Variants in ENTREP2 observed in about 807,000 individuals in gnomAD.
ENTREP2 encodes the protein protein ENTREP2.
At chr15:29,547,632 C>T in the ENTREP2 span, among the ~76,000 whole-genome samples, 1 of 152,150 alleles carries the variant, frequency 6.6e-6, no homozygotes, top group African/African-American at 2.4e-5. Context: ...CCCTTATAGA[C>T]TCCTGGTAGG....
chr15:29,360,207 C>T, the ENTREP2 span, among the ~76,000 whole-genome samples: 43,348 of 152,086 alleles, frequency 0.29, 7,666 homozygotes, highest in African/African-American at 0.48. Flanking sequence ...TTTTTTCTAA[C>T]GCTATATCTT....
chr15:29,518,781 AG>A, the ENTREP2 span, among the ~76,000 whole-genome samples: 1 of 152,226 alleles, frequency 6.6e-6, no homozygotes, highest in African/African-American at 2.4e-5. Context: ...CACAGGGGAA[AG>A]CTTCAGAAAT....
the ENTREP2 span, among the ~76,000 whole-genome samples, chr15:29,493,207 C>T: frequency 2.5e-5 from 3 of 118,716 alleles, no homozygotes; most frequent in Non-Finnish European, 5.0e-5. Flanking sequence ...GATCTCGGCT[C>T]ACTGCAAGCT....
chr15:29,158,403 GC>G, the ENTREP2 span, among the ~76,000 whole-genome samples: 1 of 76,772 alleles, frequency 1.3e-5, no homozygotes, highest in African/African-American at 4.8e-5. Context: ...CATTATCTCT[GC>G]CTTTTTTTTT....
chr15:29,230,798 A>G, the ENTREP2 span, among the ~76,000 whole-genome samples: 1 of 152,198 alleles, frequency 6.6e-6, no homozygotes, highest in Non-Finnish European at 1.5e-5. Flanking sequence ...GATTATTGAC[A>G]TAGAAACCAA....
the ENTREP2 span, among the ~76,000 whole-genome samples, chr15:29,621,645 C>T: frequency 7.3e-6 from 1 of 136,492 alleles, no homozygotes; most frequent in Non-Finnish European, 1.5e-5. Flanking sequence ...GTGGAAAAAT[C>T]GGAACCCTTG....
At chr15:29,397,340 G>A in the ENTREP2 span, among the ~76,000 whole-genome samples, 2 of 152,066 alleles carry the variant, frequency 1.3e-5, no homozygotes, top group Non-Finnish European at 2.9e-5. Flanking sequence ...GCCGTGAGCC[G>A]AGATTGTGCC....
At chr15:29,486,177 G>GAC in the ENTREP2 span, among the ~76,000 whole-genome samples, 143,958 of 150,426 alleles carry the variant, frequency 0.96, 68,797 homozygotes, top group East Asian at 1. Flanking sequence ...GAAAATGGGA[G>GAC]ACACACACAC....
the ENTREP2 span, among the ~76,000 whole-genome samples, chr15:29,606,996 G>C: frequency 6.6e-6 from 1 of 152,002 alleles, no homozygotes; most frequent in East Asian, 1.9e-4. Context: ...ACCACACCCA[G>C]CTAATTTTTG....
At chr15:29,664,063 C>G in the ENTREP2 span, among the ~76,000 whole-genome samples, 2 of 151,936 alleles carry the variant, frequency 1.3e-5, no homozygotes, top group African/African-American at 4.8e-5. Context: ...GGGTATGAAG[C>G]CTCATATTTT....
At chr15:29,409,242 C>T in the ENTREP2 span, among the ~76,000 whole-genome samples, 1 of 152,228 alleles carries the variant, frequency 6.6e-6, no homozygotes, top group Non-Finnish European at 1.5e-5. Context: ...ACACATCCCA[C>T]ATCTCTTTCT....
At chr15:29,251,399 C>A in the ENTREP2 span, among the ~76,000 whole-genome samples, 1 of 152,256 alleles carries the variant, frequency 6.6e-6, no homozygotes, top group South Asian at 2.1e-4. Context: ...AATGATCGTT[C>A]TATCCAACAA....
chr15:29,528,197 G>A, the ENTREP2 span, among the ~76,000 whole-genome samples: 115 of 152,126 alleles, frequency 7.6e-4, no homozygotes, highest in Middle Eastern at 3.4e-3. Flanking sequence ...GTCATCTGAC[G>A]GGGTCAGATC....
chr15:29,610,801 G>A, the ENTREP2 span: 1 of 150,550 alleles, frequency 6.6e-6, no homozygotes, highest in South Asian at 2.1e-4. Flanking sequence ...TCCCCTATGT[G>A]ACTATTCTGC....
At chr15:29,330,280 T>C in the ENTREP2 span, among the ~76,000 whole-genome samples, 2 of 117,516 alleles carry the variant, frequency 1.7e-5, no homozygotes, top group East Asian at 4.8e-4. Flanking sequence ...CTACTAAAAA[T>C]ACAAAAAAAA....
chr15:29,463,745 T>C, the ENTREP2 span, among the ~76,000 whole-genome samples: 1 of 152,194 alleles, frequency 6.6e-6, no homozygotes, highest in Non-Finnish European at 1.5e-5. Flanking sequence ...CTCTAACAGA[T>C]ATCTGTGCAC....
At chr15:29,272,016 C>T in the ENTREP2 span, among the ~76,000 whole-genome samples, 2 of 152,078 alleles carry the variant, frequency 1.3e-5, no homozygotes, top group Non-Finnish European at 2.9e-5. Context: ...AGTCAGACTA[C>T]CCCTGTCACT....
chr15:29,248,412 T>C, the ENTREP2 span, among the ~76,000 whole-genome samples: 1 of 152,024 alleles, frequency 6.6e-6, no homozygotes, highest in African/African-American at 2.4e-5. Flanking sequence ...AAAAGGCAAA[T>C]AACAATCCAG....
the ENTREP2 span, among the ~76,000 whole-genome samples, chr15:29,462,259 T>C: frequency 1.3e-5 from 2 of 152,148 alleles, no homozygotes; most frequent in Admixed American, 1.3e-4. Flanking sequence ...CCTTTGAGTA[T>C]ATACCCAGAA....
Sources: allele counts gnomAD v4.1 joint callset (sites outside exome capture counted in the v4.1 genomes callset), GRCh38; gene constraint gnomAD v4.1.1; transcripts MANE v1.5; gene names NCBI Gene and HGNC (gene_info 2026-07-23, HGNC 2026-07-21).